HPSE2: variants seen among roughly 807,000 people sequenced by gnomAD.
HPSE2 encodes heparanase 2 (inactive).
HPSE2 carries 38 observed loss-of-function variants against 60.5 expected under a neutral mutation model. That is an observed-to-expected ratio of 0.63 (90% CI 0.48 to 0.82). HPSE2 has a LOEUF of 0.82. Ranked by LOEUF, HPSE2 falls within the 40% of genes least tolerant of loss-of-function variation. The pLI is 0.00. For missense variants in HPSE2, 713 were observed against 740.4 expected (o/e 0.96, Z 0.43); for synonymous variants, 295 against 293.2 (o/e 1.01, Z -0.06).
chr10:98,764,708 T>G (rs929657100), intron 3 of HPSE2, among the ~76,000 whole-genome samples: 3 of 151,792 alleles, frequency 2.0e-5, no homozygotes, highest in Non-Finnish European at 4.4e-5. Context: ...AACACAAAAA[T>G]TAGCCGGGTG....
chr10:98,952,701 C>G (rs1185740834), intron 3 of HPSE2, among the ~76,000 whole-genome samples: 1 of 152,042 alleles, frequency 6.6e-6, no homozygotes. Flanking sequence ...AAGTCCAAGA[C>G]CAGGGTGCTA....
chr10:99,044,296 A>G (rs1957805801), intron 3 of HPSE2, among the ~76,000 whole-genome samples: 1 of 152,350 alleles, frequency 6.6e-6, no homozygotes, highest in Admixed American at 6.5e-5. Flanking sequence ...CTTCTCAGAC[A>G]AGCAAACACT....
intron 3 of HPSE2, among the ~76,000 whole-genome samples, chr10:98,828,799 C>T (rs1345868071): frequency 6.6e-6 from 1 of 152,046 alleles, no homozygotes; most frequent in Admixed American, 6.6e-5. Flanking sequence ...GTATAGTAGT[C>T]CTTCAAAAAA....
the HPSE2 span, among the ~76,000 whole-genome samples, chr10:99,288,748 C>CAAAAAAAAA: frequency 2.6e-5 from 2 of 75,772 alleles, no homozygotes; most frequent in Non-Finnish European, 4.5e-5. Context: ...CAGCCTCAAG[C>CAAAAAAAAA]AAAAAAAAAA....
chr10:98,849,363 G>A (rs1952113431), intron 3 of HPSE2, among the ~76,000 whole-genome samples: 1 of 152,198 alleles, frequency 6.6e-6, no homozygotes, highest in Non-Finnish European at 1.5e-5. Context: ...AAAGTACTCT[G>A]CACCTTGCAA....
intron 4 of HPSE2, among the ~76,000 whole-genome samples, chr10:98,740,649 A>G (rs537056433): frequency 3.6e-4 from 55 of 152,332 alleles, no homozygotes; most frequent in African/African-American, 1.3e-3. Flanking sequence ...AAACAATCAC[A>G]GAAACTTATA....
rs181385631 is a variant in HPSE2 at position 98,626,311 on chromosome 10, G to T, written c.1099-5603C>A. On this transcript the variant is annotated intron_variant, in intron 7 of 11. Transcript: ENST00000370552. ...CACAAATATGACAGACTTGTTGTGTGCTTTAGTGCCACATCGTTTATTGTA... is the reference window on the plus strand; with the variant it reads ...CACAAATATGACAGACTTGTTGTGTTCTTTAGTGCCACATCGTTTATTGTA... 2.5e-3 allele frequency among the ~76,000 whole-genome samples: 383 copies of T among 152,264 alleles called. 2 individuals are homozygous for T. Among genetic ancestry groups the T allele is most frequent in the Middle Eastern group, 0.02 (6 of 294 alleles).
intron 2 of HPSE2, among the ~76,000 whole-genome samples, chr10:99,156,334 T>C (rs1321849527): frequency 1.5e-5 from 2 of 131,662 alleles, no homozygotes; most frequent in African/African-American, 5.1e-5. Context: ...TGATGAACAT[T>C]GACGCAAAAA....
chr10:98,477,894 C>T (rs927264957), intron 11 of HPSE2, among the ~76,000 whole-genome samples: 7 of 152,180 alleles, frequency 4.6e-5, no homozygotes, highest in Non-Finnish European at 1.0e-4. Context: ...AGTGTGAACC[C>T]TATTGTGAAC....
At chr10:99,099,337 G>A (rs1476138222) in intron 3 of HPSE2, among the ~76,000 whole-genome samples, 4 of 152,226 alleles carry the variant, frequency 2.6e-5, no homozygotes, top group African/African-American at 9.6e-5. Context: ...GGCACACCAG[G>A]AGATTATATC....
intron 3 of HPSE2, among the ~76,000 whole-genome samples, chr10:98,827,448 C>T (rs984366017): frequency 6.6e-6 from 1 of 152,084 alleles, no homozygotes; most frequent in African/African-American, 2.4e-5. Flanking sequence ...CTTCGTGATC[C>T]GCCCACCTCG....
intron 7 of HPSE2, among the ~76,000 whole-genome samples, chr10:98,635,226 A>T (rs543433803): frequency 6.6e-6 from 1 of 152,348 alleles, no homozygotes; most frequent in East Asian, 1.9e-4. Context: ...TATAAAGAAG[A>T]TAGTAAGAAA....
chr10:98,792,591 T>G (rs1950679281), intron 3 of HPSE2, among the ~76,000 whole-genome samples: 1 of 152,016 alleles, frequency 6.6e-6, no homozygotes, highest in Non-Finnish European at 1.5e-5. Flanking sequence ...GTTGGCATTT[T>G]TGTACATTTA....
intron 2 of HPSE2, among the ~76,000 whole-genome samples, chr10:99,206,292 T>C (rs955979147): frequency 3.3e-5 from 5 of 152,206 alleles, no homozygotes; most frequent in Admixed American, 6.5e-5. Flanking sequence ...TTAGTACTTA[T>C]GTTTTTCAGA....
chr10:99,181,853 T>C (rs1847790672), intron 2 of HPSE2, among the ~76,000 whole-genome samples: 1 of 151,980 alleles, frequency 6.6e-6, no homozygotes, highest in African/African-American at 2.4e-5. Context: ...ATTCTGCACA[T>C]GTATCCCAGA....
At chr10:99,043,494 AAAACAAAC>A (rs779070604) in intron 3 of HPSE2, among the ~76,000 whole-genome samples, 1 of 152,114 alleles carries the variant, frequency 6.6e-6, no homozygotes, top group Non-Finnish European at 1.5e-5. Flanking sequence ...CCATCTCATA[AAAACAAAC>A]AAACAAACAA....
chr10:98,569,397 A>T (rs10786442), intron 9 of HPSE2, among the ~76,000 whole-genome samples: 9 of 152,164 alleles, frequency 5.9e-5, no homozygotes, highest in East Asian at 5.8e-4. Context: ...ACATTCTTCT[A>T]TCCTTCTCTA....
intron 11 of HPSE2, among the ~76,000 whole-genome samples, chr10:98,482,215 G>C (rs552817706): frequency 5.3e-5 from 8 of 152,216 alleles, no homozygotes; most frequent in African/African-American, 1.9e-4. Flanking sequence ...AACAACAAGG[G>C]AGTCAGCATT....
chr10:99,051,426 C>T (rs576176845), intron 3 of HPSE2, among the ~76,000 whole-genome samples: 22 of 152,236 alleles, frequency 1.4e-4, no homozygotes, highest in African/African-American at 5.3e-4. Flanking sequence ...ATACTCTATT[C>T]AGGGCATTCA....
Sources: gnomAD v4.1 joint callset for allele counts (sites outside exome capture counted in the v4.1 genomes callset) on GRCh38, gnomAD v4.1.1 for gene constraint, MANE v1.5 for transcripts, NCBI Gene and HGNC (gene_info 2026-07-23, HGNC 2026-07-21) for gene names.